IREB2: variants seen among roughly 807,000 people sequenced by gnomAD.
IREB2 encodes the protein iron-responsive element-binding protein 2.
A neutral mutation model predicts 118.8 loss-of-function variants in IREB2; 39 were observed. That is an observed-to-expected ratio of 0.33 (90% CI 0.25 to 0.43). The LOEUF (loss-of-function observed/expected upper bound fraction) is 0.43. Among genes scored for constraint, IREB2 ranks in the 20% least tolerant of loss-of-function variants. IREB2 has a pLI of 1.00. For missense variants in IREB2, 900 were observed against 1,147.3 expected, an observed-to-expected ratio of 0.78 and a Z score of 3.11; for synonymous variants, 372 against 392.2, an observed-to-expected ratio of 0.95 and a Z score of 0.61.
At chr15:78,488,103 T>A (rs1034824426) in intron 14 of IREB2, 77 bp from the exon 15 acceptor site, 8 of 1,367,086 alleles carry the variant, frequency 5.9e-6, no homozygotes, top group Non-Finnish European at 7.9e-6. Context: ...ACTTTAAGAT[T>A]GCTTATATAT....
chr15:78,498,110 A>G lies in IREB2; in HGVS notation c.2859A>G (p.Gly953=). ...DVEITLYKHG[G]LLNFVARKFS ...AAATAACATTATACAAACATGGAGGATTATTAAACTTTGTGGCACGAAAAT... is the reference window on the plus strand; with the variant it reads ...AAATAACATTATACAAACATGGAGGGTTATTAAACTTTGTGGCACGAAAAT... Residue 953 remains glycine, a synonymous_variant, in exon 22 of 22, where the codon GGA becomes GGG. Coordinates refer to ENST00000258886, the MANE Select transcript of IREB2 (RefSeq NM_004136.4). 1 of 1,611,440 alleles carries G rather than the reference A, an allele frequency of 6.2e-7. No homozygotes were observed. Among genetic ancestry groups the G allele is most frequent in the Non-Finnish European group, 8.5e-7 (1 of 1,177,658 alleles).
chr15:78,487,665 G>T lies in IREB2; in HGVS notation c.1710-68G>T. On this transcript the variant is annotated intron_variant, in intron 13 of 21. Transcript: ENST00000258886. Reference sequence around the variant, plus strand: ...TCTTATTACAGTGATAGAAATACAAGATAAGACTTGTCCTTTCTCTATAAA... The same window carrying T: ...TCTTATTACAGTGATAGAAATACAATATAAGACTTGTCCTTTCTCTATAAA... The T allele has an allele frequency of 7.0e-6, 6 of 857,110 alleles. No individual in the cohort carries two copies. The South Asian group carries it at 7.1e-5, about 10-fold the overall frequency. The allele number at this position is 857,110 out of a possible 1,614,324, so 53.1% of individuals were successfully genotyped here.
chr15:78,439,656 CTACTT>C, intron 1 of IREB2, 134 bp from the exon 2 acceptor site: 2 of 567,860 alleles, frequency 3.5e-6, no homozygotes, highest in East Asian at 3.0e-5. Flanking sequence ...TTGCTAATGG[CTACTT>C]TACTGGACAG....
intron 2 of IREB2, among the ~76,000 whole-genome samples, chr15:78,461,747 T>C (rs2051200704): frequency 6.6e-6 from 1 of 152,186 alleles, no homozygotes; most frequent in Non-Finnish European, 1.5e-5. Flanking sequence ...TTAGTGTTAC[T>C]TTAGCTCTCA....
At chr15:78,470,955 C>A (rs150019511) in intron 6 of IREB2, 102 of 155,576 alleles carry the variant, frequency 6.6e-4, no homozygotes, top group South Asian at 1.2e-3. Flanking sequence ...TCGGCCCCCC[C>A]CAAAGTGCTG....
intron 2 of IREB2, among the ~76,000 whole-genome samples, chr15:78,457,492 G>A (rs1009195251): frequency 1.3e-5 from 2 of 152,072 alleles, no homozygotes; most frequent in African/African-American, 4.8e-5. Context: ...GTTTTCCTGT[G>A]TGTAAATTTC....
intron 18 of IREB2, among the ~76,000 whole-genome samples, chr15:78,491,877 C>T (rs2051757342): frequency 6.6e-6 from 1 of 152,110 alleles, no homozygotes; most frequent in Non-Finnish European, 1.5e-5. Flanking sequence ...AGTTTCCTTT[C>T]CTGTAAATAT....
Position 78,498,212 on chromosome 15 carries a change from CT to C in IREB2, c.*71del. On this transcript the variant is annotated 3_prime_UTR_variant, in exon 22 of 22. Coordinates refer to ENST00000258886, the MANE Select transcript of IREB2 (RefSeq NM_004136.4). ...GCCTTTTGTGCTGGACCCAGGAATC[CT>C]TACCATGGAGCAGCAGATAGTCCCA... 1 of 829,544 alleles carries C rather than the reference CT, an allele frequency of 1.2e-6. No homozygotes were observed. The highest frequency in any genetic ancestry group is 2.1e-6 in the Non-Finnish European group (1 of 482,632). The allele number at this position is 829,544 out of a possible 1,614,324, so 51.4% of individuals were successfully genotyped here. A position where few individuals can be genotyped will look rare whatever the true frequency, so the allele number is the denominator to read the frequency against.
chr15:78,494,072 A>G lies in IREB2; in HGVS notation c.2472+16A>G. 3 of 1,613,628 alleles carry G rather than the reference A, an allele frequency of 1.9e-6. No homozygotes were observed. Among genetic ancestry groups the G allele is most frequent in the Non-Finnish European group, 2.5e-6 (3 of 1,179,822 alleles). On this transcript the variant is annotated intron_variant, in intron 19 of 21. Transcript: ENST00000258886. ...AGGACAGACGGTGAGAATGCAAACA[A>G]AGTATTTAGACAATTTATAACTGGA...
At chr15:78,469,540 A>G (rs1288067586) in intron 5 of IREB2, among the ~76,000 whole-genome samples, 3 of 152,074 alleles carry the variant, frequency 2.0e-5, no homozygotes, top group Non-Finnish European at 4.4e-5. Flanking sequence ...CCTGACTAAC[A>G]TGGAGAAACC....
chr15:78,438,181 C>CG, upstream of IREB2: 4 of 618,690 alleles, frequency 6.5e-6, no homozygotes, highest in South Asian at 5.6e-5. Flanking sequence ...AGCGCAGACC[C>CG]GGGGCTGGCT....
At position 78,500,554 on chromosome 15, in the gene IREB2, AAAAGG is replaced by A. The variant is rs1433399153; in HGVS notation, c.*2414_*2418del. On this transcript the variant is annotated 3_prime_UTR_variant, in exon 22 of 22. Transcript: ENST00000258886. ...TTGTGTTACCAAAAAAAAAAAAAAA[AAAAGG>A]AAGTGTAATGTCAGACACACAAGAA... The A allele has an allele frequency of 1.3e-5, 2 of 151,516 alleles. No individual in the cohort carries two copies. The highest frequency in any genetic ancestry group is 2.9e-5 in the Non-Finnish European group (2 of 67,960). The allele number at this position is 151,516 out of a possible 1,614,324, so 9.4% of individuals were successfully genotyped here.
chr15:78,470,931 G>A lies in IREB2; in HGVS notation c.699+330G>A, dbSNP rs147876895. ...GCTGGTCTTGAACCCCTGGCCTCAG[G>A]CAATCTGCCTGCCTCGGCCCCCCCC... On this transcript the variant is annotated intron_variant, in intron 6 of 21. Coordinates refer to ENST00000258886, the MANE Select transcript of IREB2 (RefSeq NM_004136.4). 8.9e-4 allele frequency: 143 copies of A among 161,160 alleles called. 2 individuals carry two copies. The East Asian group carries it at 0.021, about 23-fold the overall frequency. The allele number at this position is 161,160 out of a possible 1,614,324, so 10.0% of individuals were successfully genotyped here. A position where few individuals can be genotyped will look rare whatever the true frequency, so the allele number is the denominator to read the frequency against.
At chr15:78,476,509 T>A in intron 9 of IREB2, 150 bp downstream of exon 9, 1 of 545,368 alleles carries the variant, frequency 1.8e-6, no homozygotes, top group Non-Finnish European at 3.1e-6. Flanking sequence ...ATCAGATGTC[T>A]TTAAAGAGTG....
At chr15:78,483,616 A>T (rs1354343556) in intron 11 of IREB2, among the ~76,000 whole-genome samples, 182 bp downstream of exon 11, 2 of 152,152 alleles carry the variant, frequency 1.3e-5, no homozygotes, top group Admixed American at 1.3e-4. Flanking sequence ...GCTTGTTCCC[A>T]GTTCCATTGT....
At chr15:78,490,207 G>A (rs555199041) in intron 16 of IREB2, among the ~76,000 whole-genome samples, 16 of 152,152 alleles carry the variant, frequency 1.1e-4, no homozygotes, top group Non-Finnish European at 1.9e-4. Context: ...GAGCTCAGGA[G>A]TTTAAGACCA....
At chr15:78,494,632 G>GGCGCAATCACTGCTTGCTGCAGCC (rs2051808912) in intron 20 of IREB2, among the ~76,000 whole-genome samples, 1 of 152,148 alleles carries the variant, frequency 6.6e-6, no homozygotes, top group African/African-American at 2.4e-5. Context: ...GGAGTGCAGT[G>GGCGCAATCACTGCTTGCTGCAGCC]GCGCAATCAC....
At chr15:78,486,118 C>G (rs1305176022) in intron 13 of IREB2, among the ~76,000 whole-genome samples, 1 of 152,108 alleles carries the variant, frequency 6.6e-6, no homozygotes, top group African/African-American at 2.4e-5. Flanking sequence ...ACAAGTACAA[C>G]CAAATAACAG....
At chr15:78,455,374 A>C (rs902987160) in intron 2 of IREB2, among the ~76,000 whole-genome samples, 1 of 152,114 alleles carries the variant, frequency 6.6e-6, no homozygotes, top group Non-Finnish European at 1.5e-5. Context: ...AAAGGAAATA[A>C]ATGGGCCTTC....
Sources: gnomAD v4.1 joint callset for allele counts (sites outside exome capture counted in the v4.1 genomes callset) on GRCh38, gnomAD v4.1.1 for gene constraint, MANE v1.5 for transcripts, NCBI Gene and HGNC (gene_info 2026-07-23, HGNC 2026-07-21) for gene names.